The following FNDC3B variants were observed in gnomAD, a reference collection of about 807,000 sequenced individuals.
The protein encoded by FNDC3B is fibronectin type III domain containing 3B.
In FNDC3B, 12 loss-of-function variants were observed where a neutral mutation model predicts 151.5. That is an observed-to-expected ratio of 0.08 (90% CI 0.05 to 0.13). The LOEUF (loss-of-function observed/expected upper bound fraction) is 0.13. Ranked by LOEUF, FNDC3B falls within the 10% of genes least tolerant of loss-of-function variation. The pLI is 1.00. For missense variants in FNDC3B, 1,214 were observed against 1,505.3 expected (o/e 0.81, Z 3.20); for synonymous variants, 528 against 549.0 (o/e 0.96, Z 0.54).
chr3:172,361,553 G>A (rs1018387279), intron 22 of FNDC3B, among the ~76,000 whole-genome samples: 15 of 152,194 alleles, frequency 9.9e-5, no homozygotes, highest in African/African-American at 2.6e-4. Context: ...TGAGACCTCC[G>A]CAGCATGGCC....
chr3:172,251,132 CTATT>C (rs1728044629), intron 5 of FNDC3B, 124 bp from the exon 6 acceptor site: 5 of 762,328 alleles, frequency 6.6e-6, no homozygotes, highest in Non-Finnish European at 1.0e-5. Context: ...TTATTAGACT[CTATT>C]TAGTAATACT....
At chr3:172,083,015 C>A (rs980153001) in intron 1 of FNDC3B, among the ~76,000 whole-genome samples, 4 of 152,164 alleles carry the variant, frequency 2.6e-5, no homozygotes, top group Non-Finnish European at 5.9e-5. Context: ...ACTAGGCATG[C>A]TGTTAGGGTT....
Position 172,112,383 on chromosome 3 carries a change from T to C in FNDC3B, c.-28-69T>C. On this transcript the variant is annotated intron_variant, in intron 1 of 25. Transcript: ENST00000415807. ...ACGATGGAGCACTTAGATTGTTATG[T>C]GACTTGTTGTGTTACAGGTGATTTT... The C allele has an allele frequency of 7.6e-6, 6 of 793,688 alleles. No individual in the cohort carries two copies. The Admixed American group carries it at 1.1e-4, about 15-fold the overall frequency. 49.2% of individuals were successfully genotyped at this position (793,688 alleles called of 1,614,324 possible).
At chr3:172,396,658 G>C (rs1209747616) in intron 25 of FNDC3B, among the ~76,000 whole-genome samples, 5 of 152,160 alleles carry the variant, frequency 3.3e-5, no homozygotes, top group Non-Finnish European at 7.3e-5. Context: ...GATCAGTAAG[G>C]CATTAGATTC....
At chr3:172,388,592 G>A (rs934889611) in intron 25 of FNDC3B, among the ~76,000 whole-genome samples, 5 of 152,170 alleles carry the variant, frequency 3.3e-5, no homozygotes, top group African/African-American at 7.2e-5. Flanking sequence ...GCCCTGATGC[G>A]CAGAGCTGCA....
At chr3:172,106,866 A>G (rs778699805) in intron 1 of FNDC3B, among the ~76,000 whole-genome samples, 2 of 152,254 alleles carry the variant, frequency 1.3e-5, no homozygotes, top group South Asian at 2.1e-4. Flanking sequence ...AGAAAAAGGA[A>G]TAAGCTAGTT....
chr3:172,113,512 G>T (rs1720084317), intron 2 of FNDC3B, among the ~76,000 whole-genome samples: 1 of 152,068 alleles, frequency 6.6e-6, no homozygotes, highest in Non-Finnish European at 1.5e-5. Context: ...ATTTTCTCCT[G>T]CATTGTACTA....
chr3:172,081,157 A>G (rs1021893182), intron 1 of FNDC3B, among the ~76,000 whole-genome samples: 1 of 152,208 alleles, frequency 6.6e-6, no homozygotes, highest in Admixed American at 6.5e-5. Flanking sequence ...ATTGATTGGC[A>G]CTAGTGGTTT....
chr3:172,122,521 CATT>C (rs942063090), intron 2 of FNDC3B, among the ~76,000 whole-genome samples: 9 of 152,240 alleles, frequency 5.9e-5, no homozygotes, highest in Non-Finnish European at 1.0e-4. Flanking sequence ...CCAGAAGAAA[CATT>C]ATGCATGTGC....
chr3:172,056,276 C>A (rs2108465249), intron 1 of FNDC3B, among the ~76,000 whole-genome samples: 1 of 152,098 alleles, frequency 6.6e-6, no homozygotes, highest in Admixed American at 6.5e-5. Context: ...CAGTAAGTTT[C>A]AGTTTTAGCC....
At chr3:172,208,583 T>C (rs4535251) in intron 3 of FNDC3B, among the ~76,000 whole-genome samples, 63,975 of 152,102 alleles carry the variant, frequency 0.42, 14,469 homozygotes, top group Middle Eastern at 0.5. Flanking sequence ...CTGTATACCA[T>C]GTGTAATGAT....
chr3:172,351,410 A>G (rs1733843700), intron 21 of FNDC3B, among the ~76,000 whole-genome samples: 1 of 152,234 alleles, frequency 6.6e-6, no homozygotes, highest in Non-Finnish European at 1.5e-5. Context: ...TAGCTGGAGC[A>G]GAGTCAGTAA....
chr3:172,120,899 G>T (rs1295420503), intron 2 of FNDC3B, among the ~76,000 whole-genome samples: 2 of 151,998 alleles, frequency 1.3e-5, no homozygotes, highest in South Asian at 2.1e-4. Flanking sequence ...AGGAGGCGGA[G>T]GTTGCAGTGA....
intron 1 of FNDC3B, among the ~76,000 whole-genome samples, chr3:172,107,864 G>C (rs1719735936): frequency 6.6e-6 from 1 of 151,634 alleles, no homozygotes; most frequent in Non-Finnish European, 1.5e-5. Context: ...AGACTGGAGG[G>C]AGTGTGGTTA....
chr3:172,376,767 A>G (rs553037766), intron 23 of FNDC3B, among the ~76,000 whole-genome samples: 6 of 152,108 alleles, frequency 3.9e-5, no homozygotes, highest in Admixed American at 3.9e-4. Flanking sequence ...TGAAATGACC[A>G]GGGCTCAGGA....
intron 19 of FNDC3B, among the ~76,000 whole-genome samples, chr3:172,345,348 A>T (rs948571152): frequency 6.6e-6 from 1 of 152,244 alleles, no homozygotes; most frequent in Non-Finnish European, 1.5e-5. Flanking sequence ...TCAACTTTTC[A>T]GTTACTATCT....
At chr3:172,394,887 C>G (rs1736199144) in intron 25 of FNDC3B, among the ~76,000 whole-genome samples, 1 of 152,136 alleles carries the variant, frequency 6.6e-6, no homozygotes, top group Non-Finnish European at 1.5e-5. Flanking sequence ...AAAGGATCAT[C>G]CACCATGATC....
At chr3:172,084,980 C>G (rs1353210208) in intron 1 of FNDC3B, among the ~76,000 whole-genome samples, 1 of 152,110 alleles carries the variant, frequency 6.6e-6, no homozygotes, top group East Asian at 1.9e-4. Context: ...ATTTCTGGAA[C>G]AGCATATTAA....
At chr3:172,363,339 A>T (rs1734454737) in intron 23 of FNDC3B, among the ~76,000 whole-genome samples, 1 of 152,248 alleles carries the variant, frequency 6.6e-6, no homozygotes, top group Non-Finnish European at 1.5e-5. Context: ...CAGAGCAAAT[A>T]GGAGATTCTT....
Sources: allele counts gnomAD v4.1 joint callset (sites outside exome capture counted in the v4.1 genomes callset), GRCh38; gene constraint gnomAD v4.1.1; transcripts MANE v1.5; gene names NCBI Gene and HGNC (gene_info 2026-07-23, HGNC 2026-07-21).